STXBP4: variants seen among roughly 807,000 people sequenced by gnomAD.
The protein encoded by STXBP4 is syntaxin binding protein 4, also known as syntaxin-binding protein 4.
STXBP4 carries 55 observed loss-of-function variants against 76.1 expected under a neutral mutation model. The observed-to-expected ratio is 0.72, with a 90% CI of 0.58 to 0.91. STXBP4 has a LOEUF of 0.91. Among genes scored for constraint, STXBP4 ranks in the 40% least tolerant of loss-of-function variants. The probability of loss-of-function intolerance (pLI) is 0.00; values close to 1 mark genes in which losing one functional copy is unlikely to be tolerated. For synonymous variants in STXBP4, 201 were observed against 220.2 expected (o/e 0.91, Z 0.77); for missense variants, 618 against 636.9 (o/e 0.97, Z 0.32).
chr17:55,090,548 A>G (rs762472133), intron 16 of STXBP4, among the ~76,000 whole-genome samples: 5 of 152,194 alleles, frequency 3.3e-5, no homozygotes, highest in Non-Finnish European at 5.9e-5. Context: ...TTAAAAGGTC[A>G]AAAACCAGTT....
Position 55,074,085 on chromosome 17 carries a change from C to T in STXBP4, c.1188+1009C>T, listed in dbSNP as rs375921856. Among the ~76,000 whole-genome samples, 235 of 152,168 alleles carry T rather than the reference C, an allele frequency of 1.5e-3. 7 individuals are homozygous for T. The South Asian group carries it at 0.044, about 29-fold the overall frequency. On this transcript the variant is annotated intron_variant, in intron 13 of 17. Coordinates refer to ENST00000376352, the MANE Select transcript of STXBP4 (RefSeq NM_178509.6). ...AAATATTCATACATTTGTTCACTTA[C>T]AAACATAACTGGTTATGTATATCTC...
chr17:54,985,909 T>A (rs979831659), intron 2 of STXBP4, among the ~76,000 whole-genome samples: 35 of 152,220 alleles, frequency 2.3e-4, no homozygotes, highest in African/African-American at 8.2e-4. Flanking sequence ...GATATGGATA[T>A]TCATAATGAT....
intron 16 of STXBP4, among the ~76,000 whole-genome samples, chr17:55,093,021 GTCTC>G (rs1473640812): frequency 6.6e-6 from 1 of 151,616 alleles, no homozygotes. Flanking sequence ...TGGAGACAGG[GTCTC>G]TCTCTATTGC....
At chr17:55,104,090 C>T (rs186928727) in intron 16 of STXBP4, among the ~76,000 whole-genome samples, 16 of 152,218 alleles carry the variant, frequency 1.1e-4, no homozygotes, top group Non-Finnish European at 2.1e-4. Context: ...AATTTGACTT[C>T]CTCTATTCCT....
intron 8 of STXBP4, among the ~76,000 whole-genome samples, chr17:55,013,771 C>G (rs1286842618): frequency 6.6e-6 from 1 of 152,188 alleles, no homozygotes; most frequent in Non-Finnish European, 1.5e-5. Flanking sequence ...TGGGCTAATG[C>G]CTGGCCAAAT....
rs765460108 is a variant in STXBP4 at position 54,999,638 on chromosome 17, A to G, written c.294A>G (p.Glu98=). 122 of 1,612,978 alleles carry G rather than the reference A, an allele frequency of 7.6e-5. No homozygotes were observed. The highest frequency in any genetic ancestry group is 9.2e-5 in the Non-Finnish European group (109 of 1,179,552). Reference sequence around the variant, plus strand: ...GATTTCTTTTTAGTACTAGGTTAGAATCTGCTTGGGAGATAGCATTCATAA... The same window carrying G: ...GATTTCTTTTTAGTACTAGGTTAGAGTCTGCTTGGGAGATAGCATTCATAA... The part of the protein sequence containing the change: ...SIITGAKLRL[E]SAWEIAFIRQ... Residue 98 remains glutamate, a synonymous_variant, in exon 6 of 18, where the codon GAA becomes GAG. Transcript: ENST00000376352.
intron 16 of STXBP4, among the ~76,000 whole-genome samples, chr17:55,089,137 T>C (rs749382884): frequency 6.6e-6 from 1 of 152,162 alleles, no homozygotes; most frequent in African/African-American, 2.4e-5. Context: ...TTAAATGTAG[T>C]ACATATGAAA....
At chr17:54,992,598 T>C (rs1432912023) in intron 4 of STXBP4, among the ~76,000 whole-genome samples, 1 of 151,600 alleles carries the variant, frequency 6.6e-6, no homozygotes, top group Non-Finnish European at 1.5e-5. Context: ...TGTGTGTGAG[T>C]GTGTGTCTGT....
At chr17:55,143,282 T>C (rs906279447) in intron 17 of STXBP4, among the ~76,000 whole-genome samples, 3 of 152,196 alleles carry the variant, frequency 2.0e-5, no homozygotes, top group African/African-American at 7.2e-5. Context: ...AAGAAATGCA[T>C]GATTAAAAGA....
the STXBP4 span, among the ~76,000 whole-genome samples, chr17:55,197,884 C>T: frequency 6.6e-6 from 1 of 152,144 alleles, no homozygotes; most frequent in Non-Finnish European, 1.5e-5. Context: ...ATGGTGTTAC[C>T]GGGGCAGGGA....
chr17:55,129,170 C>T (rs995112504), intron 16 of STXBP4, among the ~76,000 whole-genome samples: 1 of 151,892 alleles, frequency 6.6e-6, no homozygotes, highest in African/African-American at 2.4e-5. Context: ...CCTTGTGATC[C>T]GCCCGCCTCG....
At position 55,031,170 on chromosome 17, in the gene STXBP4, T is replaced by C. The variant is rs2078502804; in HGVS notation, c.669T>C (p.Ala223=). The C allele has an allele frequency of 6.2e-7, 1 of 1,612,314 alleles. No individual in the cohort carries two copies. Among genetic ancestry groups the C allele is most frequent in the Non-Finnish European group, 8.5e-7 (1 of 1,178,824 alleles). ...VRFKAEKLEM[A]LNYLGIQPTK... is the part of the protein sequence containing the mutation. Reference sequence around the variant, plus strand: ...TTCATGAGTCCTTTATCTTCCAGGCTCTAAATTATCTTGGTATTCAGCCCA... The same window carrying C: ...TTCATGAGTCCTTTATCTTCCAGGCCCTAAATTATCTTGGTATTCAGCCCA... Residue 223 remains alanine (A), a splice_region_variant and synonymous_variant, in exon 9 of 18, where the codon GCT becomes GCC. Transcript: ENST00000376352.
intron 16 of STXBP4, among the ~76,000 whole-genome samples, chr17:55,116,728 C>A (rs1908181196): frequency 6.6e-6 from 1 of 151,740 alleles, no homozygotes; most frequent in African/African-American, 2.4e-5. Flanking sequence ...TTTGTTAAAA[C>A]ACGATTATCT....
At chr17:55,043,715 T>C in intron 11 of STXBP4, 1 of 1,398,894 alleles carries the variant, frequency 7.1e-7, no homozygotes, top group Non-Finnish European at 9.8e-7. Context: ...GCAGGGCTAT[T>C]CTTAAGGGAC....
chr17:55,181,909 C>A, the STXBP4 span, among the ~76,000 whole-genome samples: 1 of 152,060 alleles, frequency 6.6e-6, no homozygotes, highest in Non-Finnish European at 1.5e-5. Flanking sequence ...ACTGATAAAT[C>A]TTTGGAACTT....
Position 55,171,815 on chromosome 17 carries a change from T to A in STXBP4, c.*11904T>A, listed in dbSNP as rs1421582373. ...GCCTTCAGAGGGAGCGGTGCCCAGCTGACACCTTGACCTTGGACTTCTAGC... is the reference window on the plus strand; with the variant it reads ...GCCTTCAGAGGGAGCGGTGCCCAGCAGACACCTTGACCTTGGACTTCTAGC... On this transcript the variant is annotated 3_prime_UTR_variant, in exon 18 of 18. Transcript: ENST00000376352. The A allele has an allele frequency of 6.6e-6, 1 of 152,260 alleles. No individual in the cohort carries two copies. The highest frequency in any genetic ancestry group is 2.4e-5 in the African/African-American group (1 of 41,454). The allele number at this position is 152,260 out of a possible 1,614,324, so 9.4% of individuals were successfully genotyped here. A position where few individuals can be genotyped will look rare whatever the true frequency, so the allele number is the denominator to read the frequency against.
chr17:55,113,058 A>G (rs574215651), intron 16 of STXBP4, among the ~76,000 whole-genome samples: 81 of 152,268 alleles, frequency 5.3e-4, no homozygotes, highest in Admixed American at 1.8e-3. Context: ...TCTTTCTTTT[A>G]TGATTCATAT....
At chr17:55,125,252 T>C (rs1232288325) in intron 16 of STXBP4, among the ~76,000 whole-genome samples, 1 of 152,118 alleles carries the variant, frequency 6.6e-6, no homozygotes, top group East Asian at 1.9e-4. Flanking sequence ...ATGACTAAAG[T>C]AGAAGTTAGA....
intron 12 of STXBP4, among the ~76,000 whole-genome samples, chr17:55,063,748 C>T (rs73323264): frequency 0.064 from 9,789 of 152,070 alleles, 1,074 homozygotes; most frequent in African/African-American, 0.22. Context: ...TTGTTAGAGG[C>T]ATATCTATAT....
Sources: allele counts gnomAD v4.1 joint callset (sites outside exome capture counted in the v4.1 genomes callset), GRCh38; gene constraint gnomAD v4.1.1; transcripts MANE v1.5; gene names NCBI Gene and HGNC (gene_info 2026-07-23, HGNC 2026-07-21).